Variants in CPEB1 observed in about 807,000 individuals in gnomAD.
The protein encoded by CPEB1 is cytoplasmic polyadenylation element binding protein 1.
A neutral mutation model predicts 65.8 loss-of-function variants in CPEB1; 7 were observed. That is an observed-to-expected ratio of 0.11 (90% CI 0.06 to 0.20). CPEB1 has a LOEUF of 0.20. CPEB1 is among the 10% of genes least tolerant of loss of function. CPEB1 has a pLI of 1.00. For missense variants in CPEB1, 551 were observed against 712.2 expected (o/e 0.77, Z 2.58); for synonymous variants, 262 against 260.0 (o/e 1.01, Z -0.08).
intron 6 of CPEB1, among the ~76,000 whole-genome samples, chr15:82,554,550 C>G (rs2036854376): frequency 6.6e-6 from 1 of 152,206 alleles, no homozygotes; most frequent in Non-Finnish European, 1.5e-5. Flanking sequence ...CCAAGCCAGA[C>G]TCATCTTTAT....
At chr15:82,612,509 C>CAA (rs34537151) in intron 3 of CPEB1, among the ~76,000 whole-genome samples, 9 of 130,270 alleles carry the variant, frequency 6.9e-5, no homozygotes, top group African/African-American at 2.3e-4. Flanking sequence ...AAAAAAAAAA[C>CAA]AAAAAAAAAA....
At chr15:82,605,445 A>G (rs1367017350) in intron 3 of CPEB1, among the ~76,000 whole-genome samples, 1 of 152,128 alleles carries the variant, frequency 6.6e-6, no homozygotes, top group Non-Finnish European at 1.5e-5. Context: ...CCAGGATAAA[A>G]AAGTTCTGAA....
chr15:82,635,634 G>C (rs918736087), intron 1 of CPEB1, among the ~76,000 whole-genome samples: 1 of 152,202 alleles, frequency 6.6e-6, no homozygotes, highest in Non-Finnish European at 1.5e-5. Flanking sequence ...CACTAGGTTA[G>C]ATGTTGAGAT....
At chr15:82,582,429 A>T (rs1368974800) in intron 3 of CPEB1, among the ~76,000 whole-genome samples, 1 of 152,194 alleles carries the variant, frequency 6.6e-6, no homozygotes, top group Non-Finnish European at 1.5e-5. Flanking sequence ...AAGCTTAAAG[A>T]CCACCTTGTC....
At chr15:82,626,435 A>G (rs904451152) in intron 3 of CPEB1, among the ~76,000 whole-genome samples, 8 of 152,070 alleles carry the variant, frequency 5.3e-5, no homozygotes, top group African/African-American at 1.9e-4. Flanking sequence ...TCCGTCCCAA[A>G]AAACAAAAAG....
chr15:82,589,871 A>G (rs1260525931), intron 3 of CPEB1, among the ~76,000 whole-genome samples: 5 of 152,358 alleles, frequency 3.3e-5, no homozygotes, highest in East Asian at 1.9e-4. Context: ...ACAATACAGT[A>G]TAACTATTTA....
chr15:82,621,009 A>G (rs980225944), intron 3 of CPEB1, among the ~76,000 whole-genome samples: 1 of 152,244 alleles, frequency 6.6e-6, no homozygotes, highest in African/African-American at 2.4e-5. Context: ...TTGCCACTTA[A>G]CTGTTAAAGC....
chr15:82,556,351 T>A, intron 5 of CPEB1: 1 of 474,454 alleles, frequency 2.1e-6, no homozygotes, highest in South Asian at 3.0e-5. Flanking sequence ...TTATAACCAT[T>A]TAAAATGCAT....
Position 82,555,960 on chromosome 15 carries a change from C to T in CPEB1, c.850G>A (p.Ala284Thr). 6.2e-7 allele frequency: 1 copy of T among 1,613,748 alleles called. No homozygotes were observed. Among genetic ancestry groups the T allele is most frequent in the Non-Finnish European group, 8.5e-7 (1 of 1,179,846 alleles). ...AGGTCCCAGGATGGCCACACAGAAG[C>T]TCCTGGCCATCTCTTTGAAGCACTG... ...PTSASKRWPG[A>T]SVWPSWDLLE... Residue 284 changes from alanine (A) to threonine (T), a missense_variant, in exon 6 of 13, where the codon GCT becomes ACT. Ala to Thr is a moderately conservative substitution (Grantham distance 58, BLOSUM62 0). Coordinates refer to ENST00000684509, the MANE Select transcript of CPEB1 (RefSeq NM_001365242.1).
At chr15:82,587,050 A>C (rs979152009) in intron 3 of CPEB1, among the ~76,000 whole-genome samples, 1 of 152,236 alleles carries the variant, frequency 6.6e-6, no homozygotes, top group Non-Finnish European at 1.5e-5. Context: ...GAAATTCAAC[A>C]TAGGAAAAGA....
chr15:82,573,235 T>A (rs1318380728), intron 3 of CPEB1: 12 of 179,230 alleles, frequency 6.7e-5, no homozygotes, highest in Middle Eastern at 2.1e-3. Context: ...CCTTTGGAGA[T>A]TTTTTTTTTT....
At chr15:82,618,318 T>TA (rs2044952193) in intron 3 of CPEB1, among the ~76,000 whole-genome samples, 1 of 152,212 alleles carries the variant, frequency 6.6e-6, no homozygotes, top group South Asian at 2.1e-4. Flanking sequence ...TTTGTCAACA[T>TA]ATATATTGAA....
At chr15:82,627,068 G>C in intron 3 of CPEB1, 125 bp downstream of exon 3, 1 of 714,974 alleles carries the variant, frequency 1.4e-6, no homozygotes, top group Non-Finnish European at 2.1e-6. Context: ...CCACAAAAAG[G>C]CAAGTATTGC....
chr15:82,575,130 CCAT>C (rs1443997263), intron 3 of CPEB1, among the ~76,000 whole-genome samples: 9 of 152,196 alleles, frequency 5.9e-5, no homozygotes, highest in Admixed American at 2.6e-4. Context: ...CATTTTCACA[CCAT>C]CATCATGTCA....
intron 9 of CPEB1, among the ~76,000 whole-genome samples, chr15:82,550,598 A>G (rs567918489): frequency 6.6e-6 from 1 of 152,182 alleles, no homozygotes; most frequent in Non-Finnish European, 1.5e-5. Context: ...AGGGGAGCCA[A>G]TTTCACTGGA....
At chr15:82,603,629 T>C (rs1046397128) in intron 3 of CPEB1, among the ~76,000 whole-genome samples, 1 of 152,060 alleles carries the variant, frequency 6.6e-6, no homozygotes, top group Non-Finnish European at 1.5e-5. Context: ...TACTGCAGAG[T>C]TGTAAACTGT....
intron 3 of CPEB1, among the ~76,000 whole-genome samples, chr15:82,626,489 CCCAG>C (rs1440815944): frequency 2.0e-5 from 3 of 151,966 alleles, no homozygotes; most frequent in African/African-American, 7.3e-5. Context: ...ATAACTCAAA[CCCAG>C]AACACTTCAA....
At chr15:82,584,922 T>TTTTTTTTTTTTTTTTTTTTC (rs2041655554) in intron 3 of CPEB1, among the ~76,000 whole-genome samples, 1 of 143,318 alleles carries the variant, frequency 7.0e-6, no homozygotes, top group Non-Finnish European at 1.5e-5. Context: ...TTTTTTTTTT[T>TTTTTTTTTTTTTTTTTTTTC]ACAGTGAACA....
chr15:82,561,219 G>A (rs958344561), intron 4 of CPEB1, among the ~76,000 whole-genome samples: 24 of 152,210 alleles, frequency 1.6e-4, no homozygotes, highest in African/African-American at 5.3e-4. Flanking sequence ...AGTCATTCAT[G>A]TGGACACTAA....
Sources: allele counts gnomAD v4.1 joint callset (sites outside exome capture counted in the v4.1 genomes callset), GRCh38; gene constraint gnomAD v4.1.1; transcripts MANE v1.5; gene names NCBI Gene and HGNC (gene_info 2026-07-23, HGNC 2026-07-21).